The following ZMYM2 variants were observed in gnomAD, a reference collection of about 807,000 sequenced individuals.
ZMYM2 encodes the protein zinc finger MYM-type containing 2.
In ZMYM2, 56 loss-of-function variants were observed where a neutral mutation model predicts 162.8. The observed-to-expected ratio is 0.34, with a 90% CI of 0.28 to 0.43. The LOEUF is 0.43. Among genes scored for constraint, ZMYM2 ranks in the 20% least tolerant of loss-of-function variants. ZMYM2 has a pLI of 1.00. For missense variants in ZMYM2, 1,275 were observed against 1,621.8 expected (o/e 0.79, Z 3.67); for synonymous variants, 510 against 541.6 (o/e 0.94, Z 0.81).
At chr13:19,920,710 G>GT in the ZMYM2 span, among the ~76,000 whole-genome samples, 3 of 151,396 alleles carry the variant, frequency 2.0e-5, no homozygotes, top group African/African-American at 7.3e-5. Flanking sequence ...TAAAAAACTA[G>GT]TGTATACATG....
intron 2 of ZMYM2, among the ~76,000 whole-genome samples, chr13:19,977,713 A>G (rs942366236): frequency 1.3e-5 from 2 of 150,402 alleles, no homozygotes; most frequent in Admixed American, 6.6e-5. Flanking sequence ...GATGGTCTCG[A>G]TCTCCTGACC....
rs768505326 is a variant in ZMYM2 at position 20,085,804 on chromosome 13, T to C, written c.3942-18T>C. 6.4e-6 allele frequency: 10 copies of C among 1,568,252 alleles called. No homozygotes were observed. In the African/African-American group the frequency reaches 1.1e-4, roughly 17 times the overall value. On this transcript the variant is annotated intron_variant, in intron 24 of 24. Coordinates refer to ENST00000610343, the MANE Select transcript of ZMYM2 (RefSeq NM_197968.4). Reference sequence around the variant, plus strand: ...TTTGTGAAATTGACTTTTTCTCTTTTTCCTCCCGCCTCCAAAGTCCACAGA... The same window carrying C: ...TTTGTGAAATTGACTTTTTCTCTTTCTCCTCCCGCCTCCAAAGTCCACAGA...
At position 20,088,752 on chromosome 13, in the gene ZMYM2, T is replaced by A. The variant is rs1297894671; in HGVS notation, c.*2738T>A. 5.1e-6 allele frequency: 1 copy of A among 195,134 alleles called. No homozygotes were observed. The highest frequency in any genetic ancestry group is 1.1e-5 in the Non-Finnish European group (1 of 93,762). 12.1% of individuals were successfully genotyped at this position (195,134 alleles called of 1,614,324 possible). ...ATGCATATTGTACTATGCATTCAAA[T>A]TTATCACTGTTTTTTCTGACAGACT... is the stretch of plus-strand genomic sequence containing the variant. On this transcript the variant is annotated 3_prime_UTR_variant, in exon 25 of 25. Transcript: ENST00000610343.
chr13:20,076,162 C>A (rs904298373), intron 21 of ZMYM2, among the ~76,000 whole-genome samples: 1 of 150,402 alleles, frequency 6.6e-6, no homozygotes, highest in Non-Finnish European at 1.5e-5. Context: ...TAAATTGTGG[C>A]AGTCCCTCTA....
At chr13:20,061,626 T>A (rs1218165790) in intron 17 of ZMYM2, among the ~76,000 whole-genome samples, 3 of 152,086 alleles carry the variant, frequency 2.0e-5, no homozygotes, top group Non-Finnish European at 4.4e-5. Flanking sequence ...TCTTGCTCTG[T>A]TGCCCAGGGT....
chr13:19,961,909 C>G (rs914268383), intron 2 of ZMYM2, among the ~76,000 whole-genome samples: 1 of 152,148 alleles, frequency 6.6e-6, no homozygotes, highest in African/African-American at 2.4e-5. Context: ...TATGTAAATG[C>G]TTTTAGATCC....
At chr13:19,869,637 A>G in the ZMYM2 span, among the ~76,000 whole-genome samples, 1 of 151,988 alleles carries the variant, frequency 6.6e-6, no homozygotes, top group East Asian at 1.9e-4. Context: ...AAAAACAACA[A>G]AATTACCTGG....
At chr13:19,905,473 C>T in the ZMYM2 span, among the ~76,000 whole-genome samples, 1 of 152,116 alleles carries the variant, frequency 6.6e-6, no homozygotes, top group Non-Finnish European at 1.5e-5. Flanking sequence ...CCAGAGCCCA[C>T]ACCCCAACCA....
At chr13:19,998,299 A>G (rs1218445904) in intron 3 of ZMYM2, among the ~76,000 whole-genome samples, 2 of 152,188 alleles carry the variant, frequency 1.3e-5, no homozygotes, top group East Asian at 1.9e-4. Flanking sequence ...TTGATGTTGG[A>G]GGAAATAAAA....
intron 14 of ZMYM2, 141 bp from the exon 15 acceptor site, chr13:20,058,434 A>G (rs1955976620): frequency 2.1e-6 from 2 of 961,090 alleles, no homozygotes; most frequent in Non-Finnish European, 3.0e-6. Flanking sequence ...AGTATGGTGA[A>G]CATAGGGATA....
the ZMYM2 span, among the ~76,000 whole-genome samples, chr13:19,894,948 G>C: frequency 8.6e-5 from 13 of 151,408 alleles, no homozygotes; most frequent in Admixed American, 8.6e-4. Flanking sequence ...AATTAGCCAG[G>C]CATGGTCATG....
chr13:20,034,532 A>T, intron 11 of ZMYM2, 128 bp downstream of exon 11: 1 of 868,136 alleles, frequency 1.2e-6, no homozygotes, highest in Non-Finnish European at 1.6e-6. Flanking sequence ...TTACGTTTCT[A>T]CTGACTTGTT....
chr13:19,987,826 G>C (rs1240562214), intron 2 of ZMYM2, among the ~76,000 whole-genome samples: 1 of 151,520 alleles, frequency 6.6e-6, no homozygotes, highest in African/African-American at 2.4e-5. Context: ...ATGTTGTCCA[G>C]GCTGGGCTTG....
chr13:19,906,107 C>T, the ZMYM2 span, among the ~76,000 whole-genome samples: 1 of 151,336 alleles, frequency 6.6e-6, no homozygotes, highest in Admixed American at 6.6e-5. Flanking sequence ...GAAACCCTGT[C>T]TCTACTAAAT....
chr13:19,938,552 A>AT, the ZMYM2 span, among the ~76,000 whole-genome samples: 1 of 148,620 alleles, frequency 6.7e-6, no homozygotes, highest in South Asian at 2.1e-4. Context: ...TTTTCTTGTA[A>AT]TTTTTTAACT....
chr13:19,889,208 T>A, the ZMYM2 span, among the ~76,000 whole-genome samples: 1 of 152,010 alleles, frequency 6.6e-6, no homozygotes. Flanking sequence ...TATTCATATC[T>A]TACTGGAGAT....
At chr13:19,921,912 A>ATT in the ZMYM2 span, among the ~76,000 whole-genome samples, 2,988 of 149,962 alleles carry the variant, frequency 0.02, 40 homozygotes, top group Middle Eastern at 0.027. Context: ...AGTTACAAGT[A>ATT]TTTTTTTTTT....
the ZMYM2 span, among the ~76,000 whole-genome samples, chr13:19,872,289 G>A: frequency 1.3e-5 from 2 of 152,280 alleles, no homozygotes; most frequent in African/African-American, 4.8e-5. Flanking sequence ...GGTGGCTCAT[G>A]CCTGTAATCC....
At chr13:20,001,579 T>C (rs549410300) in intron 3 of ZMYM2, among the ~76,000 whole-genome samples, 1 of 152,240 alleles carries the variant, frequency 6.6e-6, no homozygotes, top group East Asian at 1.9e-4. Context: ...ATTTAGAGTA[T>C]TACGTAAACT....
Sources: allele counts gnomAD v4.1 joint callset (sites outside exome capture counted in the v4.1 genomes callset), GRCh38; gene constraint gnomAD v4.1.1; transcripts MANE v1.5; gene names NCBI Gene and HGNC (gene_info 2026-07-23, HGNC 2026-07-21).